RPGRIP1L: variants seen among roughly 807,000 people sequenced by gnomAD.
RPGRIP1L encodes the protein RPGRIP1 like.
In RPGRIP1L, 131 loss-of-function variants were observed where a neutral mutation model predicts 160.4. That is an observed-to-expected ratio of 0.82 (90% CI 0.71 to 0.94). RPGRIP1L has a LOEUF of 0.94. Among genes scored for constraint, RPGRIP1L ranks in the 40% least tolerant of loss-of-function variants. The probability of loss-of-function intolerance (pLI) is 0.00; values close to 1 mark genes in which losing one functional copy is unlikely to be tolerated. For missense variants in RPGRIP1L, 1,522 were observed against 1,535.8 expected (o/e 0.99, Z 0.15); for synonymous variants, 510 against 515.8 (o/e 0.99, Z 0.15).
intron 14 of RPGRIP1L, 25 bp from the exon 15 acceptor site, chr16:53,653,012 G>C (rs1487419731): frequency 2.5e-6 from 4 of 1,579,360 alleles, no homozygotes; most frequent in South Asian, 1.1e-5. Context: ...ACACAGTTTA[G>C]AGATTTCAAA....
chr16:53,673,752 G>A (rs544415770), intron 7 of RPGRIP1L, among the ~76,000 whole-genome samples: 52 of 151,814 alleles, frequency 3.4e-4, no homozygotes, highest in African/African-American at 1.0e-3. Flanking sequence ...GTCAATTTTC[G>A]TTTATCTTGG....
intron 23 of RPGRIP1L, among the ~76,000 whole-genome samples, chr16:53,619,519 T>A (rs1465877458): frequency 6.6e-6 from 1 of 152,258 alleles, no homozygotes; most frequent in African/African-American, 2.4e-5. Context: ...TCATCTCCGA[T>A]TGCTTTCAGA....
At chr16:53,619,624 C>T (rs1006729980) in intron 23 of RPGRIP1L, among the ~76,000 whole-genome samples, 2 of 152,072 alleles carry the variant, frequency 1.3e-5, no homozygotes, top group East Asian at 1.9e-4. Flanking sequence ...TTCAGTTATT[C>T]GGAGATCAAA....
chr16:53,641,563 A>G (rs1966226700), intron 17 of RPGRIP1L, 88 bp from the exon 18 acceptor site: 1 of 1,169,192 alleles, frequency 8.6e-7, no homozygotes, highest in Non-Finnish European at 1.2e-6. Flanking sequence ...CCCTACTTTA[A>G]GAGACTCATG....
Position 53,602,017 on chromosome 16 carries a change from T to A in RPGRIP1L, c.*59A>T. The A allele has an allele frequency of 2.0e-6, 2 of 981,278 alleles. No homozygotes were observed. 60.8% of individuals were successfully genotyped at this position (981,278 alleles called of 1,614,324 possible). A position where few individuals can be genotyped will look rare whatever the true frequency, so the allele number is the denominator to read the frequency against. ...CCAGAGTAATTACAAAAATCTCATG[T>A]AGGAACTTTCATGTGAGCATTTACT... On this transcript the variant is annotated 3_prime_UTR_variant, in exon 27 of 27. Transcript: ENST00000647211.
chr16:53,697,487 G>A (rs993743985), intron 2 of RPGRIP1L, among the ~76,000 whole-genome samples: 11 of 152,210 alleles, frequency 7.2e-5, no homozygotes, highest in Non-Finnish European at 1.0e-4. Context: ...TCAGCCTGCC[G>A]AGTGCCTGCG....
chr16:53,681,223 A>C (rs531039090), intron 6 of RPGRIP1L, among the ~76,000 whole-genome samples: 29 of 152,318 alleles, frequency 1.9e-4, no homozygotes, highest in Non-Finnish European at 3.5e-4. Flanking sequence ...CTTATGGGTT[A>C]AATTTCCTCC....
chr16:53,641,305 A>G lies in RPGRIP1L; in HGVS notation c.2854T>C (p.Ser952Pro). 4 of 1,614,020 alleles carry G rather than the reference A, an allele frequency of 2.5e-6. No homozygotes were observed. Among genetic ancestry groups the G allele is most frequent in the Non-Finnish European group, 3.4e-6 (4 of 1,179,926 alleles). ...EVVQRLPPAS[S>P]VSTLVLAPRP... ...CTCACTAAAACTAGTGTGCTAACAGAGGATGCTGGAGGAAGTCTTTGAACA... is the reference window on the plus strand; with the variant it reads ...CTCACTAAAACTAGTGTGCTAACAGGGGATGCTGGAGGAAGTCTTTGAACA... The change falls in exon 18 of 27, where the codon TCT becomes CCT. Residue 952 changes from serine to proline, a missense_variant. Physicochemically the swap from Ser to Pro is moderately conservative, Grantham distance 74. Transcript: ENST00000647211.
At chr16:53,604,691 C>G (rs920292629) in intron 26 of RPGRIP1L, among the ~76,000 whole-genome samples, 1 of 152,194 alleles carries the variant, frequency 6.6e-6, no homozygotes, top group Non-Finnish European at 1.5e-5. Flanking sequence ...AAAGCTACTT[C>G]CTTGCTTTGA....
chr16:53,666,503 T>G (rs190224814), intron 9 of RPGRIP1L, among the ~76,000 whole-genome samples: 40 of 152,174 alleles, frequency 2.6e-4, no homozygotes, highest in African/African-American at 9.4e-4. Context: ...ATATAATTTC[T>G]ATGTATGGCC....
At chr16:53,685,854 C>T (rs914787101) in intron 6 of RPGRIP1L, among the ~76,000 whole-genome samples, 16 of 152,206 alleles carry the variant, frequency 1.1e-4, no homozygotes, top group African/African-American at 3.9e-4. Context: ...TGTACATGTA[C>T]CCCTGAACTT....
At chr16:53,630,812 G>A (rs1965471673) in intron 22 of RPGRIP1L, among the ~76,000 whole-genome samples, 1 of 152,032 alleles carries the variant, frequency 6.6e-6, no homozygotes. Flanking sequence ...TCGACTCACT[G>A]CAACCTCTGC....
intron 22 of RPGRIP1L, among the ~76,000 whole-genome samples, chr16:53,623,019 A>G (rs1206553766): frequency 1.3e-5 from 2 of 152,118 alleles, no homozygotes; most frequent in South Asian, 4.1e-4. Context: ...AAACAAAGAA[A>G]CAAACAAAAA....
At position 53,687,930 on chromosome 16, in the gene RPGRIP1L, G is replaced by A. The variant is rs751654979; in HGVS notation, c.565C>T (p.Pro189Ser). Residue 189 changes from proline (P) to serine (S), a missense_variant, in exon 5 of 27, where the codon CCA (proline) becomes TCA (serine). Physicochemically the swap from Pro to Ser is moderately conservative, Grantham distance 74. Coordinates refer to ENST00000647211, the MANE Select transcript of RPGRIP1L (RefSeq NM_015272.5). Reference sequence around the variant, plus strand: ...CCATATTTTGTAAACATGGGATGTGGAGTTTCTGCTACATCTGCATCTTGG... The same window carrying A: ...CCATATTTTGTAAACATGGGATGTGAAGTTTCTGCTACATCTGCATCTTGG... ...KFQDADVAET[P>S]HPMFTKYGNS... The A allele has an allele frequency of 1.9e-6, 3 of 1,611,198 alleles. No homozygotes were observed. The highest frequency in any genetic ancestry group is 2.2e-5 in the East Asian group (1 of 44,730).
chr16:53,636,580 A>G (rs1459821082), intron 21 of RPGRIP1L, 68 bp from the exon 22 acceptor site: 1 of 1,057,844 alleles, frequency 9.5e-7, no homozygotes, highest in Non-Finnish European at 1.5e-6. Context: ...CTGTAAAATA[A>G]AGAGAAACAA....
chr16:53,667,709 C>T (rs1368610318), intron 9 of RPGRIP1L, among the ~76,000 whole-genome samples: 1 of 151,970 alleles, frequency 6.6e-6, no homozygotes, highest in East Asian at 1.9e-4. Flanking sequence ...CCCACCTCTA[C>T]TAAAAATACA....
chr16:53,633,128 A>G (rs892791208), intron 22 of RPGRIP1L, among the ~76,000 whole-genome samples: 3 of 152,208 alleles, frequency 2.0e-5, no homozygotes, highest in Non-Finnish European at 4.4e-5. Context: ...TATGAAAGCT[A>G]TGTTTCACTG....
rs1965839786 is a variant in RPGRIP1L, at chr16:53,636,473, A to C, written c.3260T>G (p.Ile1087Ser). Residue 1087 changes from isoleucine (I) to serine (S), a missense_variant, in exon 22 of 27, where the codon ATT becomes AGT. Ile to Ser is a moderately radical substitution (Grantham distance 142). Coordinates refer to ENST00000647211, the MANE Select transcript of RPGRIP1L (RefSeq NM_015272.5). ...DMSASDSDDC[I>S]IPGPISKNIK... The stretch of plus-strand genomic sequence containing the variant: ...ATTCTTGGAGATAGGACCTGGAATA[A>C]TACAGTCATCACTGTCAGAAGCTGA... 6.2e-7 allele frequency: 1 copy of C among 1,612,610 alleles called. No individual in the cohort carries two copies. Among genetic ancestry groups the C allele is most frequent in the Non-Finnish European group, 8.5e-7 (1 of 1,178,826 alleles).
chr16:53,601,931 TC>T lies in RPGRIP1L; in HGVS notation c.*144del. On this transcript the variant is annotated 3_prime_UTR_variant, in exon 27 of 27. Transcript: ENST00000647211. The stretch of plus-strand genomic sequence containing the variant: ...AACAAATGAAAAAGTATACAAAACT[TC>T]AACACTTCAAACCCAGGTCTCCCCG... 1 of 666,808 alleles carries T rather than the reference TC, an allele frequency of 1.5e-6. No individual in the cohort carries two copies. Among genetic ancestry groups the T allele is most frequent in the East Asian group, 2.8e-5 (1 of 36,144 alleles). The allele number at this position is 666,808 out of a possible 1,614,324, so 41.3% of individuals were successfully genotyped here.
Sources: gnomAD v4.1 joint callset for allele counts (sites outside exome capture counted in the v4.1 genomes callset) on GRCh38, gnomAD v4.1.1 for gene constraint, MANE v1.5 for transcripts, NCBI Gene and HGNC (gene_info 2026-07-23, HGNC 2026-07-21) for gene names.